Variants in RABGEF1 observed in about 807,000 individuals in gnomAD.
The protein encoded by RABGEF1 is RAB guanine nucleotide exchange factor 1, also known as rab5 GDP/GTP exchange factor.
In RABGEF1, 26 loss-of-function variants were observed where a neutral mutation model predicts 57.3. The observed-to-expected ratio is 0.45, with a 90% CI of 0.33 to 0.63. RABGEF1 has a LOEUF of 0.63. Among genes scored for constraint, RABGEF1 ranks in the 20% least tolerant of loss-of-function variants. The pLI is 0.02. For missense variants in RABGEF1, 464 were observed against 607.6 expected (o/e 0.76, Z 2.48); for synonymous variants, 185 against 210.7 (o/e 0.88, Z 1.06).
chr7:66,772,096 G>C lies in RABGEF1; in HGVS notation c.179+18G>C, dbSNP rs1337643426. On this transcript the variant is annotated intron_variant, in intron 2 of 8. Transcript: ENST00000284957. ...GCGGAGCGGTAAAAGGACTTAACTA[G>C]GGGCGGTTGAACAGTGACGTGACTG... The C allele has an allele frequency of 1.4e-5, 20 of 1,467,024 alleles. No individual in the cohort carries two copies. The highest frequency in any genetic ancestry group is 1.7e-5 in the Non-Finnish European group (19 of 1,101,816). 90.9% of individuals were successfully genotyped at this position (1,467,024 alleles called of 1,614,324 possible). A position where few individuals can be genotyped will look rare whatever the true frequency, so the allele number is the denominator to read the frequency against.
intron 3 of RABGEF1, among the ~76,000 whole-genome samples, chr7:66,781,364 T>G (rs936230718): frequency 5.9e-5 from 9 of 152,186 alleles, no homozygotes; most frequent in African/African-American, 2.2e-4. Context: ...TTTATTATTA[T>G]TTATCTATTT....
At chr7:66,776,519 C>T (rs967901745) in intron 3 of RABGEF1, among the ~76,000 whole-genome samples, 1 of 152,026 alleles carries the variant, frequency 6.6e-6, no homozygotes, top group South Asian at 2.1e-4. Context: ...ATGGTGAAAC[C>T]CCGCCTCTAC....
At chr7:66,764,511 T>C (rs1351001500) in intron 1 of RABGEF1, among the ~76,000 whole-genome samples, 1 of 152,228 alleles carries the variant, frequency 6.6e-6, no homozygotes, top group Non-Finnish European at 1.5e-5. Flanking sequence ...TGGTGCCATA[T>C]CTAAACATCC....
At chr7:66,804,563 C>G (rs1364040308) in intron 7 of RABGEF1, among the ~76,000 whole-genome samples, 1 of 151,930 alleles carries the variant, frequency 6.6e-6, no homozygotes, top group Admixed American at 6.6e-5. Context: ...GGTGAAACCC[C>G]GTTTCTACTA....
chr7:66,728,435 A>G (rs1483508961), intron 2 of RABGEF1, among the ~76,000 whole-genome samples: 2 of 152,088 alleles, frequency 1.3e-5, no homozygotes, highest in Admixed American at 6.6e-5. Flanking sequence ...GTCAAGAACT[A>G]TTCTCAGGAA....
At chr7:66,657,921 A>G in the RABGEF1 span, among the ~76,000 whole-genome samples, 2 of 152,200 alleles carry the variant, frequency 1.3e-5, no homozygotes, top group Admixed American at 6.6e-5. Flanking sequence ...AGCTAACCCC[A>G]ACCTAGCAGA....
At chr7:66,743,356 T>A (rs1585092283) in intron 1 of RABGEF1, among the ~76,000 whole-genome samples, 1 of 149,538 alleles carries the variant, frequency 6.7e-6, no homozygotes, top group South Asian at 2.1e-4. Context: ...TCTCTCTCTC[T>A]CCCTGTCTCC....
chr7:66,699,807 C>T (rs1275505190), intron 1 of RABGEF1, among the ~76,000 whole-genome samples: 1 of 151,980 alleles, frequency 6.6e-6, no homozygotes, highest in Non-Finnish European at 1.5e-5. Context: ...GAGCCAAAGT[C>T]ATGCCACTCC....
At chr7:66,684,587 TG>T (rs1271324857) in intron 1 of RABGEF1, among the ~76,000 whole-genome samples, 1 of 152,180 alleles carries the variant, frequency 6.6e-6, no homozygotes, top group Non-Finnish European at 1.5e-5. Context: ...CCCAAGTAGC[TG>T]GGAACACAGG....
chr7:66,714,664 A>G (rs1795157174), intron 2 of RABGEF1, among the ~76,000 whole-genome samples: 1 of 152,190 alleles, frequency 6.6e-6, no homozygotes, highest in Non-Finnish European at 1.5e-5. Flanking sequence ...GGCCAGGCGC[A>G]GTGGCTCATG....
At chr7:66,771,771 C>A in intron 1 of RABGEF1, 112 bp from the exon 2 acceptor site, 1 of 688,274 alleles carries the variant, frequency 1.5e-6, no homozygotes, top group Non-Finnish European at 2.1e-6. Flanking sequence ...CCCTCCATCC[C>A]TCTCTTAACA....
At chr7:66,798,307 AC>A (rs944421140) in intron 6 of RABGEF1, among the ~76,000 whole-genome samples, 1 of 152,088 alleles carries the variant, frequency 6.6e-6, no homozygotes, top group African/African-American at 2.4e-5. Context: ...TGAGGAAGAG[AC>A]CACCCAAGTG....
intron 1 of RABGEF1, among the ~76,000 whole-genome samples, chr7:66,709,167 C>T (rs530762780): frequency 5.6e-4 from 85 of 152,052 alleles, no homozygotes; most frequent in African/African-American, 2.0e-3. Context: ...CACCACCATG[C>T]CCGGCTAATT....
At chr7:66,718,009 C>G (rs554735595) in intron 2 of RABGEF1, among the ~76,000 whole-genome samples, 1 of 152,134 alleles carries the variant, frequency 6.6e-6, no homozygotes, top group Non-Finnish European at 1.5e-5. Flanking sequence ...TATTTTCCTG[C>G]TGAGGGTTTC....
chr7:66,771,849 A>G (rs1198143145), intron 1 of RABGEF1, 34 bp from the exon 2 acceptor site: 2 of 1,348,728 alleles, frequency 1.5e-6, no homozygotes, highest in Non-Finnish European at 2.0e-6. Flanking sequence ...TAGAATGATA[A>G]TTCATTTTCA....
intron 1 of RABGEF1, among the ~76,000 whole-genome samples, chr7:66,689,889 CCCT>C (rs1791261836): frequency 6.6e-6 from 1 of 151,774 alleles, no homozygotes; most frequent in African/African-American, 2.4e-5. Flanking sequence ...AAAGAAATAC[CCCT>C]CACTGGGTGG....
At chr7:66,678,347 C>T (rs1430332220), upstream of RABGEF1, among the ~76,000 whole-genome samples, 2 of 151,804 alleles carry the variant, frequency 1.3e-5, no homozygotes, top group Non-Finnish European at 2.9e-5. Flanking sequence ...GGGCGGATCA[C>T]GAGGTCAGGA....
intron 1 of RABGEF1, among the ~76,000 whole-genome samples, chr7:66,763,852 G>A (rs1437128461): frequency 2.6e-5 from 4 of 152,114 alleles, no homozygotes; most frequent in Non-Finnish European, 4.4e-5. Flanking sequence ...CCATTTTATG[G>A]ATATACCACA....
intron 1 of RABGEF1, among the ~76,000 whole-genome samples, chr7:66,742,612 A>G: frequency 6.6e-6 from 1 of 152,148 alleles, no homozygotes; most frequent in South Asian, 2.1e-4. Context: ...GTGCCTATTA[A>G]TTTATTTATT....
Sources: gnomAD v4.1 joint callset for allele counts (sites outside exome capture counted in the v4.1 genomes callset) on GRCh38, gnomAD v4.1.1 for gene constraint, MANE v1.5 for transcripts, NCBI Gene and HGNC (gene_info 2026-07-23, HGNC 2026-07-21) for gene names.